Variants in TASP1 observed in about 807,000 individuals in gnomAD.
TASP1 encodes threonine aspartase 1.
In TASP1, 16 loss-of-function variants were observed where a neutral mutation model predicts 56.6. The ratio of observed to expected loss-of-function variants is 0.28; its 90% CI spans 0.19 to 0.43. The LOEUF is 0.43. TASP1 is among the 20% of genes least tolerant of loss of function. The pLI is 1.00. For missense variants in TASP1, 393 were observed against 511.6 expected (o/e 0.77, Z 2.24); for synonymous variants, 179 against 184.2 (o/e 0.97, Z 0.23).
chr20:13,492,046 G>C (rs1352202736), intron 10 of TASP1, among the ~76,000 whole-genome samples: 1 of 152,056 alleles, frequency 6.6e-6, no homozygotes, highest in Non-Finnish European at 1.5e-5. Flanking sequence ...AGCCCCAGAG[G>C]GGAAAAAGTG....
At chr20:13,336,596 C>T in the TASP1 span, among the ~76,000 whole-genome samples, 1 of 152,166 alleles carries the variant, frequency 6.6e-6, no homozygotes, top group East Asian at 1.9e-4. Flanking sequence ...GGAAATTAGA[C>T]ACATCATGAA....
chr20:13,116,101 C>T, the TASP1 span, among the ~76,000 whole-genome samples: 1 of 152,198 alleles, frequency 6.6e-6, no homozygotes, highest in African/African-American at 2.4e-5. Flanking sequence ...GTGGAACACA[C>T]AAATGCTGCA....
At chr20:13,623,351 T>C in intron 4 of TASP1, 95 bp downstream of exon 4, 2 of 1,006,318 alleles carry the variant, frequency 2.0e-6, no homozygotes, top group Non-Finnish European at 3.0e-6. Context: ...ACTGCTCATA[T>C]AATTTATGGT....
the TASP1 span, among the ~76,000 whole-genome samples, chr20:13,228,075 C>A: frequency 1.3e-5 from 2 of 149,648 alleles, no homozygotes; most frequent in East Asian, 4.1e-4. Flanking sequence ...CGGGTTCAAG[C>A]GATTCTCGTG....
chr20:13,527,769 T>C (rs916699572), intron 10 of TASP1, among the ~76,000 whole-genome samples: 4 of 149,828 alleles, frequency 2.7e-5, no homozygotes, highest in African/African-American at 9.7e-5. Flanking sequence ...TTGTAAGTTT[T>C]ATGTCAACAT....
intron 4 of TASP1, among the ~76,000 whole-genome samples, chr20:13,588,552 C>G (rs978980974): frequency 5.1e-4 from 77 of 151,908 alleles, no homozygotes; most frequent in Non-Finnish European, 1.8e-4. Context: ...AAAATGAAAT[C>G]AAGAAAATCT....
chr20:13,530,288 G>T (rs891769608), intron 9 of TASP1, among the ~76,000 whole-genome samples: 4 of 152,094 alleles, frequency 2.6e-5, no homozygotes, highest in African/African-American at 9.7e-5. Context: ...GAACTGAGCG[G>T]GATACTCTCA....
Position 13,469,811 on chromosome 20 carries a change from T to C in TASP1, c.985+13416A>G, listed in dbSNP as rs1478421855. On this transcript the variant is annotated intron_variant, in intron 11 of 13. Transcript: ENST00000337743. The stretch of plus-strand genomic sequence containing the variant: ...AATGTCCTTTTTTTTTTTTTTTTTT[T>C]TTTTTTTTTTTTTTTGAGAGAGTGT... Among the ~76,000 whole-genome samples the C allele has an allele frequency of 2.5e-5, 3 of 122,444 alleles. 1 individual carries two copies. The highest frequency in any genetic ancestry group is 9.0e-5 in the African/African-American group (3 of 33,294). The allele number at this position is 122,444 out of a possible 152,430, so 80.3% of individuals were successfully genotyped here.
At chr20:13,114,026 G>A in the TASP1 span, among the ~76,000 whole-genome samples, 4 of 152,198 alleles carry the variant, frequency 2.6e-5, no homozygotes, top group Non-Finnish European at 2.9e-5. Context: ...ACAGATAACC[G>A]AGATGAGGCA....
chr20:13,152,965 G>A, the TASP1 span, among the ~76,000 whole-genome samples: 1 of 152,194 alleles, frequency 6.6e-6, no homozygotes, highest in Admixed American at 6.5e-5. Context: ...CTCTAGAGCA[G>A]AATCTCTGAC....
At chr20:13,595,692 T>C (rs974026766) in intron 4 of TASP1, among the ~76,000 whole-genome samples, 6 of 152,150 alleles carry the variant, frequency 3.9e-5, no homozygotes, top group Admixed American at 1.3e-4. Flanking sequence ...TAAATATATA[T>C]GCACCAAATA....
chr20:13,215,036 G>A, the TASP1 span, among the ~76,000 whole-genome samples: 70 of 152,222 alleles, frequency 4.6e-4, no homozygotes, highest in Middle Eastern at 6.8e-3. Flanking sequence ...TTTCTTGATC[G>A]GAGTAGCAAA....
intron 8 of TASP1, among the ~76,000 whole-genome samples, chr20:13,550,551 A>G (rs1429863705): frequency 2.0e-5 from 3 of 152,136 alleles, no homozygotes; most frequent in Admixed American, 6.6e-5. Flanking sequence ...TAAAAAATAC[A>G]TAAAGTAATC....
the TASP1 span, among the ~76,000 whole-genome samples, chr20:13,209,735 A>G: frequency 6.6e-6 from 1 of 152,238 alleles, no homozygotes; most frequent in Non-Finnish European, 1.5e-5. Flanking sequence ...AAAAGAGATC[A>G]TAGATGTTCT....
At chr20:13,157,115 A>G in the TASP1 span, among the ~76,000 whole-genome samples, 7 of 152,102 alleles carry the variant, frequency 4.6e-5, no homozygotes, top group Non-Finnish European at 1.0e-4. Context: ...TAGTTTATAA[A>G]TGAAGATGCT....
At chr20:13,588,770 C>A (rs1485365338) in intron 4 of TASP1, among the ~76,000 whole-genome samples, 2 of 152,072 alleles carry the variant, frequency 1.3e-5, no homozygotes, top group Admixed American at 1.3e-4. Context: ...AATCCTTTAT[C>A]AAATCCTAGC....
intron 13 of TASP1, among the ~76,000 whole-genome samples, chr20:13,394,234 A>G (rs1192910892): frequency 7.2e-6 from 1 of 138,624 alleles, no homozygotes; most frequent in Admixed American, 7.5e-5. Flanking sequence ...CAGTGAGCCA[A>G]CCTCTCACTG....
At chr20:13,230,905 T>A in the TASP1 span, among the ~76,000 whole-genome samples, 1 of 152,208 alleles carries the variant, frequency 6.6e-6, no homozygotes, top group Admixed American at 6.5e-5. Context: ...TTAGATCAAG[T>A]CCAGTGCTGA....
chr20:13,526,710 T>C (rs1448748687), intron 10 of TASP1, among the ~76,000 whole-genome samples: 2 of 152,100 alleles, frequency 1.3e-5, no homozygotes, highest in Non-Finnish European at 2.9e-5. Context: ...GCTGCTAAGA[T>C]AGGCAGGCAT....
Sources: allele counts gnomAD v4.1 joint callset (sites outside exome capture counted in the v4.1 genomes callset), GRCh38; gene constraint gnomAD v4.1.1; transcripts MANE v1.5; gene names NCBI Gene and HGNC (gene_info 2026-07-23, HGNC 2026-07-21).